PRKD1: variants seen among roughly 807,000 people sequenced by gnomAD.
The protein encoded by PRKD1 is protein kinase D1, also known as serine/threonine-protein kinase D1.
Under a neutral mutation model 95.9 loss-of-function variants are expected in PRKD1, and 63 were observed. The observed-to-expected ratio is 0.66, with a 90% CI of 0.54 to 0.81. PRKD1 has a LOEUF of 0.81. Among genes scored for constraint, PRKD1 ranks in the 30% least tolerant of loss-of-function variants. The probability of loss-of-function intolerance (pLI) is 0.00; values close to 1 mark genes in which losing one functional copy is unlikely to be tolerated. For synonymous variants in PRKD1, 425 were observed against 423.1 expected (o/e 1.00, Z -0.05); for missense variants, 1,048 against 1,165.3 (o/e 0.90, Z 1.47).
chr14:29,620,693 T>G (rs1879187963), intron 13 of PRKD1, among the ~76,000 whole-genome samples: 1 of 152,016 alleles, frequency 6.6e-6, no homozygotes, highest in Non-Finnish European at 1.5e-5. Context: ...CTGGAGAGGA[T>G]GTGGAGAAAT....
chr14:29,905,947 G>A (rs1387474193), intron 1 of PRKD1, among the ~76,000 whole-genome samples: 2 of 152,018 alleles, frequency 1.3e-5, no homozygotes, highest in African/African-American at 2.4e-5. Flanking sequence ...TATCTGAGAA[G>A]GCTTAAACAC....
At chr14:29,777,599 C>A (rs1888827368) in intron 1 of PRKD1, among the ~76,000 whole-genome samples, 1 of 152,078 alleles carries the variant, frequency 6.6e-6, no homozygotes, top group Non-Finnish European at 1.5e-5. Context: ...GCTAACTATC[C>A]TAAATATATA....
intron 13 of PRKD1, among the ~76,000 whole-genome samples, chr14:29,609,543 T>C (rs1326913967): frequency 1.7e-4 from 17 of 102,136 alleles, no homozygotes; most frequent in Admixed American, 9.9e-5. Flanking sequence ...CACACATATA[T>C]ATATTTTAAT....
chr14:29,600,114 AAT>A (rs1294533789), intron 13 of PRKD1, among the ~76,000 whole-genome samples: 3 of 152,210 alleles, frequency 2.0e-5, no homozygotes, highest in Admixed American at 6.5e-5. Context: ...AGAAATCTAT[AAT>A]TTCTTAGGAT....
intron 1 of PRKD1, among the ~76,000 whole-genome samples, chr14:29,894,392 T>C (rs892155619): frequency 3.9e-5 from 6 of 152,204 alleles, no homozygotes; most frequent in African/African-American, 1.2e-4. Flanking sequence ...CCATCCTCAG[T>C]TGGAAGCCAG....
At chr14:29,693,238 C>A (rs2139303486) in intron 2 of PRKD1, among the ~76,000 whole-genome samples, 1 of 152,240 alleles carries the variant, frequency 6.6e-6, no homozygotes, top group African/African-American at 2.4e-5. Context: ...GAAAATACCT[C>A]TTCTAAGTCG....
chr14:29,841,853 A>C (rs1891861371), intron 1 of PRKD1, among the ~76,000 whole-genome samples: 1 of 152,012 alleles, frequency 6.6e-6, no homozygotes, highest in Non-Finnish European at 1.5e-5. Flanking sequence ...AATAACACTT[A>C]CATGAAACAC....
intron 4 of PRKD1, among the ~76,000 whole-genome samples, chr14:29,661,985 A>G (rs899338272): frequency 6.6e-6 from 1 of 152,236 alleles, no homozygotes; most frequent in African/African-American, 2.4e-5. Flanking sequence ...CGTATCAAAT[A>G]ATTCAAATAA....
At position 29,676,177 on chromosome 14, in the gene PRKD1, G is replaced by GTTTTTTTTTTTTTTTTTTTTTTTTTTTTT. The variant is rs147308040; in HGVS notation, c.404-9970_404-9969insAAAAAAAAAAAAAAAAAAAAAAAAAAAAA. On this transcript the variant is annotated intron_variant, in intron 2 of 17. Coordinates refer to ENST00000331968, the MANE Select transcript of PRKD1 (RefSeq NM_002742.3). ...GCTGTAGGCATGCATAGTTCATTAC[G>GTTTTTTTTTTTTTTTTTTTTTTTTTTTTT]TTTTTGTTTTTTTTTTTTTTTTTTT... 3.2e-4 allele frequency among the ~76,000 whole-genome samples: 34 copies of GTTTTTTTTTTTTTTTTTTTTTTTTTTTTT among 104,734 alleles called. 1 individual carries two copies. Among genetic ancestry groups the GTTTTTTTTTTTTTTTTTTTTTTTTTTTTT allele is most frequent in the African/African-American group, 7.5e-4 (18 of 23,872 alleles). 68.7% of individuals were successfully genotyped at this position (104,734 alleles called of 152,430 possible).
chr14:29,670,913 C>G (rs541846465), intron 2 of PRKD1, among the ~76,000 whole-genome samples: 30 of 152,246 alleles, frequency 2.0e-4, no homozygotes, highest in African/African-American at 7.2e-4. Flanking sequence ...TCAATAAATT[C>G]TTGCAGAGGG....
intron 4 of PRKD1, among the ~76,000 whole-genome samples, chr14:29,644,012 A>G (rs1036878730): frequency 6.6e-6 from 1 of 152,232 alleles, no homozygotes; most frequent in Non-Finnish European, 1.5e-5. Context: ...ATCATTTGAT[A>G]ATAAGCTCCT....
chr14:29,756,077 A>G lies in PRKD1; in HGVS notation c.265-30403T>C, dbSNP rs45604831. On this transcript the variant is annotated intron_variant, in intron 1 of 17. Coordinates refer to ENST00000331968, the MANE Select transcript of PRKD1 (RefSeq NM_002742.3). The stretch of plus-strand genomic sequence containing the variant: ...TTTATATATAGTCATATCTATATCT[A>G]TATCTATAAGGTTATACATATGCAT... Among the ~76,000 whole-genome samples the G allele has an allele frequency of 2.3e-3, 356 of 152,288 alleles. 5 individuals carry two copies. In the East Asian group the frequency reaches 0.047, roughly 20 times the overall value.
rs1230412035 is a variant in PRKD1, at chr14:29,630,042, TTC to T, written c.1672+698_1672+699del. 1.3e-3 allele frequency among the ~76,000 whole-genome samples: 197 copies of T among 149,350 alleles called. 1 individual carries two copies. Among genetic ancestry groups the T allele is most frequent in the African/African-American group, 4.6e-3 (185 of 40,180 alleles). On this transcript the variant is annotated intron_variant, in intron 10 of 17. Coordinates refer to ENST00000331968, the MANE Select transcript of PRKD1 (RefSeq NM_002742.3). ...CTTCTGCTTCTTCTTCTTCTCCCTC[TTC>T]TTTTTCTTCTTGCTCTTTCTCTTCC...
chr14:29,907,667 G>T (rs45587440), intron 1 of PRKD1, among the ~76,000 whole-genome samples: 4,185 of 152,180 alleles, frequency 0.028, 178 homozygotes, highest in African/African-American at 0.091. Flanking sequence ...TACTTAATAA[G>T]CAAGCAACTG....
intron 1 of PRKD1, among the ~76,000 whole-genome samples, chr14:29,869,830 G>C (rs1283092189): frequency 6.6e-6 from 1 of 152,116 alleles, no homozygotes; most frequent in Non-Finnish European, 1.5e-5. Flanking sequence ...GCCCAATGTA[G>C]TCCATGTTCT....
At chr14:29,692,906 A>C (rs2139302539) in intron 2 of PRKD1, among the ~76,000 whole-genome samples, 1 of 152,336 alleles carries the variant, frequency 6.6e-6, no homozygotes. Flanking sequence ...TTTCATCGTA[A>C]CTAAACTGTA....
chr14:29,793,355 G>T (rs1889643773), intron 1 of PRKD1, among the ~76,000 whole-genome samples: 1 of 151,680 alleles, frequency 6.6e-6, no homozygotes, highest in Non-Finnish European at 1.5e-5. Flanking sequence ...AATAACCAAA[G>T]AAACACTTCA....
chr14:29,870,380 C>T (rs1333567391), intron 1 of PRKD1, among the ~76,000 whole-genome samples: 2 of 152,066 alleles, frequency 1.3e-5, no homozygotes, highest in East Asian at 3.9e-4. Flanking sequence ...ATATTCATAG[C>T]TGCAGGTGTA....
chr14:29,735,969 A>G (rs1476629164), intron 1 of PRKD1, among the ~76,000 whole-genome samples: 20 of 152,348 alleles, frequency 1.3e-4, no homozygotes, highest in Non-Finnish European at 2.9e-5. Context: ...TCATTTAAAC[A>G]CTATATTTTT....
Sources: gnomAD v4.1 joint callset for allele counts (sites outside exome capture counted in the v4.1 genomes callset) on GRCh38, gnomAD v4.1.1 for gene constraint, MANE v1.5 for transcripts, NCBI Gene and HGNC (gene_info 2026-07-23, HGNC 2026-07-21) for gene names.